The following CAMK4 variants were observed in gnomAD, a reference collection of about 807,000 sequenced individuals.
The protein encoded by CAMK4 is calcium/calmodulin dependent protein kinase IV, also known as calcium/calmodulin-dependent protein kinase type IV.
Under a neutral mutation model 44.9 loss-of-function variants are expected in CAMK4, and 22 were observed. The ratio of observed to expected loss-of-function variants is 0.49; its 90% CI spans 0.35 to 0.70. CAMK4 has a LOEUF of 0.70. CAMK4 is among the 30% of genes least tolerant of loss of function. The pLI is 0.01. For missense variants in CAMK4, 498 were observed against 586.8 expected (o/e 0.85, Z 1.56); for synonymous variants, 218 against 215.4 (o/e 1.01, Z -0.11).
At chr5:111,293,763 T>TTTTTG (rs1747372506) in intron 1 of CAMK4, among the ~76,000 whole-genome samples, 1 of 148,132 alleles carries the variant, frequency 6.8e-6, no homozygotes, top group Non-Finnish European at 1.5e-5. Flanking sequence ...TTTTTTTTTT[T>TTTTTG]TGAGACGGAG....
At chr5:111,319,932 A>T (rs1374020617) in intron 1 of CAMK4, among the ~76,000 whole-genome samples, 1 of 152,204 alleles carries the variant, frequency 6.6e-6, no homozygotes, top group Non-Finnish European at 1.5e-5. Flanking sequence ...TCTAGTCTAG[A>T]TAGGCATGTA....
chr5:111,438,281 T>C (rs1157331301), intron 5 of CAMK4, among the ~76,000 whole-genome samples: 3 of 152,306 alleles, frequency 2.0e-5, no homozygotes, highest in African/African-American at 7.2e-5. Flanking sequence ...AGAAACAACA[T>C]TGAATTGGAA....
intron 2 of CAMK4, among the ~76,000 whole-genome samples, chr5:111,357,258 A>G (rs754094351): frequency 1.3e-5 from 2 of 152,062 alleles, no homozygotes; most frequent in Admixed American, 1.3e-4. Flanking sequence ...CTCAGTGGTA[A>G]ATGCCTTGTT....
intron 5 of CAMK4, among the ~76,000 whole-genome samples, chr5:111,398,529 G>A (rs370213905): frequency 6.6e-5 from 10 of 152,214 alleles, no homozygotes; most frequent in Admixed American, 5.9e-4. Flanking sequence ...TCCTAGGTGC[G>A]GTTTTGAATG....
intron 2 of CAMK4, among the ~76,000 whole-genome samples, chr5:111,354,421 AG>A (rs1409068368): frequency 1.4e-5 from 2 of 139,760 alleles, no homozygotes; most frequent in Non-Finnish European, 3.0e-5. Flanking sequence ...ATTTTCTAGG[AG>A]TAAATGTTAA....
intron 7 of CAMK4, among the ~76,000 whole-genome samples, chr5:111,453,539 C>T (rs1483007586): frequency 6.6e-6 from 1 of 151,648 alleles, no homozygotes; most frequent in African/African-American, 2.4e-5. Context: ...GAGCCAAGCT[C>T]AAGACTGGTG....
intron 4 of CAMK4, among the ~76,000 whole-genome samples, chr5:111,379,638 G>T (rs1005921726): frequency 6.6e-6 from 1 of 152,026 alleles, no homozygotes; most frequent in African/African-American, 2.4e-5. Context: ...GAGTTAAAAG[G>T]TAACATGATC....
intron 5 of CAMK4, among the ~76,000 whole-genome samples, chr5:111,429,777 C>CAAAAAAAAAAAA (rs70973607): frequency 3.0e-4 from 8 of 26,352 alleles, no homozygotes; most frequent in African/African-American, 4.3e-4. Context: ...GACCTCATCT[C>CAAAAAAAAAAAA]AAAAAAAAAA....
intron 7 of CAMK4, among the ~76,000 whole-genome samples, chr5:111,451,725 GA>G (rs929999355): frequency 8.1e-5 from 12 of 147,486 alleles, no homozygotes; most frequent in Non-Finnish European, 1.7e-4. Context: ...CCAACATGGT[GA>G]AAAAAAAAAC....
chr5:111,310,673 C>G (rs1289075863), intron 1 of CAMK4, among the ~76,000 whole-genome samples: 1 of 152,106 alleles, frequency 6.6e-6, no homozygotes, highest in Non-Finnish European at 1.5e-5. Context: ...TAATCCCTGT[C>G]CTAGTGAACA....
chr5:111,364,112 T>C (rs1262228341), intron 2 of CAMK4, among the ~76,000 whole-genome samples: 1 of 151,918 alleles, frequency 6.6e-6, no homozygotes. Context: ...GAGGCAACAA[T>C]AGAGAGGTTT....
At chr5:111,350,210 C>T (rs1211856459) in intron 2 of CAMK4, among the ~76,000 whole-genome samples, 1 of 151,878 alleles carries the variant, frequency 6.6e-6, no homozygotes, top group Admixed American at 6.6e-5. Context: ...ATAAATATTT[C>T]CCACCACATA....
chr5:111,493,872 A>G lies in CAMK4; in HGVS notation c.*9406A>G, dbSNP rs1755955461. ...CGGCATTATTCCTGAAGACAAATGA[A>G]GGAAGATAGGGAGCAAGATTGACTG... On this transcript the variant is annotated 3_prime_UTR_variant, in exon 11 of 11. Coordinates refer to ENST00000282356, the MANE Select transcript of CAMK4 (RefSeq NM_001744.6). This position sits in a 1 kb window ranked among gnomAD's most constrained non-coding sequence, Gnocchi z 4.1. 6.6e-6 allele frequency: 1 copy of G among 152,188 alleles called. No homozygotes were observed. Among genetic ancestry groups the G allele is most frequent in the Non-Finnish European group, 1.5e-5 (1 of 68,022 alleles). The allele number at this position is 152,188 out of a possible 1,614,324, so 9.4% of individuals were successfully genotyped here.
chr5:111,335,730 C>T (rs1469946134), intron 1 of CAMK4, among the ~76,000 whole-genome samples: 2 of 151,158 alleles, frequency 1.3e-5, no homozygotes, highest in African/African-American at 2.4e-5. Context: ...GTTTGGCATG[C>T]AGTGCCAGGT....
chr5:111,278,591 C>T (rs1750870758), intron 1 of CAMK4, among the ~76,000 whole-genome samples: 1 of 152,040 alleles, frequency 6.6e-6, no homozygotes. Context: ...TGCAATGCAC[C>T]AGGTAGTGTG....
chr5:111,421,067 G>C (rs1231962638), intron 5 of CAMK4, among the ~76,000 whole-genome samples: 3 of 152,230 alleles, frequency 2.0e-5, no homozygotes, highest in Non-Finnish European at 2.9e-5. Flanking sequence ...TTTAGAGATT[G>C]CAGTAAAGAC....
intron 7 of CAMK4, among the ~76,000 whole-genome samples, chr5:111,463,078 G>C (rs1371385542): frequency 6.6e-6 from 1 of 152,192 alleles, no homozygotes; most frequent in Non-Finnish European, 1.5e-5. Context: ...GAAGATTGGA[G>C]TATGAGGTTT....
At chr5:111,316,788 T>C (rs971740239) in intron 1 of CAMK4, among the ~76,000 whole-genome samples, 1 of 152,168 alleles carries the variant, frequency 6.6e-6, no homozygotes, top group African/African-American at 2.4e-5. Context: ...ATAATTTCAA[T>C]TAATATTGCA....
chr5:111,330,358 G>T (rs1387037801), intron 1 of CAMK4, among the ~76,000 whole-genome samples: 1 of 151,574 alleles, frequency 6.6e-6, no homozygotes, highest in African/African-American at 2.4e-5. Context: ...CCTAAATGGA[G>T]TGATACACAC....
Sources: gnomAD v4.1 joint callset for allele counts (sites outside exome capture counted in the v4.1 genomes callset) on GRCh38, gnomAD v4.1.1 for gene constraint, Gnocchi (gnomAD v3.1) non-coding constraint, MANE v1.5 for transcripts, NCBI Gene and HGNC (gene_info 2026-07-23, HGNC 2026-07-21) for gene names.